The following JARID2 variants were observed in gnomAD, a reference collection of about 807,000 sequenced individuals.
JARID2 encodes the protein protein Jumonji.
Under a neutral mutation model 125.6 loss-of-function variants are expected in JARID2, and 21 were observed. The ratio of observed to expected loss-of-function variants is 0.17; its 90% CI spans 0.12 to 0.24. JARID2 has a LOEUF of 0.24. Among genes scored for constraint, JARID2 ranks in the 10% least tolerant of loss-of-function variants. The pLI, the probability that JARID2 is intolerant of heterozygous loss-of-function variation, is 1.00. For synonymous variants in JARID2, 736 were observed against 661.6 expected, an observed-to-expected ratio of 1.11 and a Z score of -1.73; for missense variants, 1,303 against 1,639.6, an observed-to-expected ratio of 0.79 and a Z score of 3.55.
chr6:15,262,773 C>G (rs1759932613), intron 1 of JARID2, among the ~76,000 whole-genome samples: 1 of 152,018 alleles, frequency 6.6e-6, no homozygotes, highest in Non-Finnish European at 1.5e-5. Context: ...CATGATCCAC[C>G]CGCCTCGGCC....
At chr6:15,474,894 C>T (rs1437156356) in intron 5 of JARID2, among the ~76,000 whole-genome samples, 1 of 152,178 alleles carries the variant, frequency 6.6e-6, no homozygotes, top group African/African-American at 2.4e-5. Context: ...TTTTATAACC[C>T]TTAGGAAAAC....
intron 1 of JARID2, among the ~76,000 whole-genome samples, chr6:15,266,146 C>T (rs1454599826): frequency 2.6e-5 from 4 of 152,122 alleles, no homozygotes; most frequent in African/African-American, 7.2e-5. Flanking sequence ...CCCATTTTAC[C>T]TTAGGAAGTC....
chr6:15,494,767 A>T lies in JARID2; in HGVS notation c.907-1365A>T, dbSNP rs552675524. Among the ~76,000 whole-genome samples the T allele has an allele frequency of 9.2e-5, 14 of 152,304 alleles. No homozygotes were observed. The South Asian group carries it at 2.9e-3, about 32-fold the overall frequency. On this transcript the variant is annotated intron_variant, in intron 6 of 17. Coordinates refer to ENST00000341776, the MANE Select transcript of JARID2 (RefSeq NM_004973.4). ...CAGGCCTAGGTTTAGTACAAAGGTC[A>T]CTAAGACTCATTACCCGCCATCTGG...
chr6:15,321,332 C>T (rs1257216327), intron 1 of JARID2, among the ~76,000 whole-genome samples: 1 of 149,952 alleles, frequency 6.7e-6, no homozygotes, highest in African/African-American at 2.5e-5. Context: ...CACTCTGTAA[C>T]TAAGGCTAAC....
chr6:15,407,741 T>C (rs1277952052), intron 2 of JARID2, among the ~76,000 whole-genome samples: 1 of 152,230 alleles, frequency 6.6e-6, no homozygotes, highest in Non-Finnish European at 1.5e-5. Context: ...CTCCATTGGC[T>C]CACTCATTAT....
intron 3 of JARID2, among the ~76,000 whole-genome samples, chr6:15,437,050 G>A (rs945201555): frequency 1.3e-5 from 2 of 152,052 alleles, no homozygotes; most frequent in Non-Finnish European, 2.9e-5. Context: ...GTGATTTTAC[G>A]GTTTTACTGT....
intron 1 of JARID2, among the ~76,000 whole-genome samples, chr6:15,305,422 C>T (rs1425162554): frequency 6.6e-6 from 1 of 152,186 alleles, no homozygotes; most frequent in Non-Finnish European, 1.5e-5. Flanking sequence ...AGCTGAATGC[C>T]TTTGGTTGTT....
At chr6:15,356,469 G>A (rs887411240) in intron 1 of JARID2, among the ~76,000 whole-genome samples, 2 of 151,962 alleles carry the variant, frequency 1.3e-5, no homozygotes, top group Non-Finnish European at 2.9e-5. Flanking sequence ...TTAAGTTCAC[G>A]TCTATGGAAT....
intron 5 of JARID2, among the ~76,000 whole-genome samples, chr6:15,480,947 G>A (rs1401827884): frequency 6.6e-6 from 1 of 152,178 alleles, no homozygotes; most frequent in Non-Finnish European, 1.5e-5. Flanking sequence ...CAAAGCTTTT[G>A]GGGAACATTG....
In JARID2 at chr6:15,426,626, C is replaced by CAGCA. The variant is rs1766739537; in HGVS notation, c.323+16262_323+16265dup. On this transcript the variant is annotated intron_variant, in intron 3 of 17. Transcript: ENST00000341776. ...TATTTGTTGAATGGATGTGGACTGA[C>CAGCA]AGCACTAGCTTCCTTCAGTTATAGT... 2.0e-5 allele frequency among the ~76,000 whole-genome samples: 3 copies of CAGCA among 152,340 alleles called. No individual in the cohort carries two copies. The South Asian group carries it at 6.2e-4, about 32-fold the overall frequency.
intron 1 of JARID2, among the ~76,000 whole-genome samples, chr6:15,281,807 T>C (rs1225301860): frequency 6.6e-6 from 1 of 152,224 alleles, no homozygotes; most frequent in Non-Finnish European, 1.5e-5. Flanking sequence ...TCAGTAGACC[T>C]TTAGGTTGTT....
At chr6:15,330,926 G>A (rs1581420584) in intron 1 of JARID2, among the ~76,000 whole-genome samples, 1 of 152,334 alleles carries the variant, frequency 6.6e-6, no homozygotes, top group African/African-American at 2.4e-5. Context: ...TTGGGAAAGA[G>A]TGTTATGTGT....
In JARID2 at chr6:15,471,345, T is replaced by C. The variant is rs79409133; in HGVS notation, c.670+2627T>C. Among the ~76,000 whole-genome samples, 1,103 of 152,332 alleles carry C rather than the reference T, an allele frequency of 7.2e-3. 13 individuals carry two copies. The highest frequency in any genetic ancestry group is 0.025 in the African/African-American group (1,049 of 41,570). On this transcript the variant is annotated intron_variant, in intron 5 of 17. Coordinates refer to ENST00000341776, the MANE Select transcript of JARID2 (RefSeq NM_004973.4). ...ATAGAAAGGAAACCTCTGGAGAACTTTTTCTTGTGAAGGAATTTAATTTTC... is the reference window on the plus strand; with the variant it reads ...ATAGAAAGGAAACCTCTGGAGAACTCTTTCTTGTGAAGGAATTTAATTTTC...
At chr6:15,416,995 G>A (rs1311981589) in intron 3 of JARID2, among the ~76,000 whole-genome samples, 1 of 151,782 alleles carries the variant, frequency 6.6e-6, no homozygotes, top group African/African-American at 2.4e-5. Flanking sequence ...AGGATTATTT[G>A]TTTGAGGAAT....
intron 1 of JARID2, among the ~76,000 whole-genome samples, chr6:15,358,972 G>A (rs1239850273): frequency 1.3e-5 from 2 of 152,198 alleles, no homozygotes; most frequent in Non-Finnish European, 2.9e-5. Flanking sequence ...GGTTTCCAGG[G>A]CGGCCATGCC....
At chr6:15,407,000 T>C (rs1026657485) in intron 2 of JARID2, among the ~76,000 whole-genome samples, 1 of 152,108 alleles carries the variant, frequency 6.6e-6, no homozygotes, top group African/African-American at 2.4e-5. Context: ...TTTTCACGCC[T>C]GTAATTCCAG....
rs573413818 is a variant in JARID2, at chr6:15,323,891, A to T, written c.46-50226A>T. On this transcript the variant is annotated intron_variant, in intron 1 of 17. Coordinates refer to ENST00000341776, the MANE Select transcript of JARID2 (RefSeq NM_004973.4). ...GGTGACAGAGCAAGATTCTGTCAAAAAATAAAAAAGGCTGGGCGTGGTGGC... is the reference window on the plus strand; with the variant it reads ...GGTGACAGAGCAAGATTCTGTCAAATAATAAAAAAGGCTGGGCGTGGTGGC... Among the ~76,000 whole-genome samples the T allele has an allele frequency of 2.6e-5, 4 of 152,218 alleles. No homozygotes were observed. The South Asian group carries it at 8.3e-4, about 32-fold the overall frequency.
At chr6:15,249,963 T>C (rs1318889694) in intron 1 of JARID2, among the ~76,000 whole-genome samples, 5 of 152,230 alleles carry the variant, frequency 3.3e-5, no homozygotes, top group African/African-American at 9.6e-5. Context: ...TTCTGCCGTT[T>C]CCATCATTCC....
At chr6:15,256,369 A>G (rs571417161) in intron 1 of JARID2, among the ~76,000 whole-genome samples, 1 of 152,260 alleles carries the variant, frequency 6.6e-6, no homozygotes, top group Non-Finnish European at 1.5e-5. Context: ...TCCTAAATAC[A>G]CCTGGATGGT....
Sources: allele counts gnomAD v4.1 joint callset (sites outside exome capture counted in the v4.1 genomes callset), GRCh38; gene constraint gnomAD v4.1.1; transcripts MANE v1.5; gene names NCBI Gene and HGNC (gene_info 2026-07-23, HGNC 2026-07-21).